Variants in MAGI3 observed in about 807,000 individuals in gnomAD.
MAGI3 encodes the protein membrane-associated guanylate kinase, WW and PDZ domain-containing protein 3.
Under a neutral mutation model 121.8 loss-of-function variants are expected in MAGI3, and 43 were observed. The observed-to-expected ratio is 0.35, with a 90% CI of 0.28 to 0.46. MAGI3 has a LOEUF of 0.46. MAGI3 is among the 20% of genes least tolerant of loss of function. The probability of loss-of-function intolerance (pLI) is 1.00; values close to 1 mark genes in which losing one functional copy is unlikely to be tolerated. For missense variants in MAGI3, 1,547 were observed against 1,797.3 expected, an observed-to-expected ratio of 0.86 and a Z score of 2.52; for synonymous variants, 553 against 639.3, an observed-to-expected ratio of 0.86 and a Z score of 2.04.
rs1220060546 is a variant in MAGI3, at chr1:113,486,317, A to G, written c.317-63198A>G. On this transcript the variant is annotated intron_variant, in intron 1 of 20. Transcript: ENST00000307546. ...CTTTTGGCCGTATGGTCATTTTCAC[A>G]ATATTGATTCTACTCATCCATGAGC... Among the ~76,000 whole-genome samples the G allele has an allele frequency of 4.6e-5, 7 of 152,286 alleles. No individual in the cohort carries two copies. The East Asian group carries it at 1.3e-3, about 29-fold the overall frequency.
At chr1:113,550,563 C>G (rs1659737106) in intron 2 of MAGI3, among the ~76,000 whole-genome samples, 1 of 151,388 alleles carries the variant, frequency 6.6e-6, no homozygotes, top group East Asian at 1.9e-4. Context: ...TGAGACTAGC[C>G]TGGCCAACAT....
At chr1:113,408,424 T>C (rs1651803177) in intron 1 of MAGI3, among the ~76,000 whole-genome samples, 1 of 152,162 alleles carries the variant, frequency 6.6e-6, no homozygotes, top group African/African-American at 2.4e-5. Flanking sequence ...ATAAGCTGTT[T>C]TAGTTTCTGT....
intron 20 of MAGI3, chr1:113,682,250 G>A (rs750595917): frequency 2.6e-5 from 42 of 1,609,136 alleles, no homozygotes; most frequent in East Asian, 4.5e-5. Flanking sequence ...CGTGAAACCC[G>A]AGCAACATTA....
intron 1 of MAGI3, among the ~76,000 whole-genome samples, chr1:113,475,900 T>G (rs1655794089): frequency 6.6e-6 from 1 of 152,198 alleles, no homozygotes; most frequent in Non-Finnish European, 1.5e-5. Context: ...TGCCTCAATT[T>G]CAGAGTCTGT....
intron 1 of MAGI3, among the ~76,000 whole-genome samples, chr1:113,483,896 T>C (rs1167157260): frequency 1.3e-5 from 2 of 150,264 alleles, no homozygotes; most frequent in East Asian, 3.9e-4. Flanking sequence ...AATGTGATTG[T>C]GTGTGTGTGT....
At position 113,482,100 on chromosome 1, in the gene MAGI3, TTATAAC is replaced by T. The variant is rs570034108; in HGVS notation, c.317-67409_317-67404del. Reference sequence around the variant, plus strand: ...TAAAATTAAATTTAAATATTTAAGATTATAACTATAAGATAAAAACTGTGAGTTTTA... The same window carrying T: ...TAAAATTAAATTTAAATATTTAAGATTATAAGATAAAAACTGTGAGTTTTA... On this transcript the variant is annotated intron_variant, in intron 1 of 20. Transcript: ENST00000307546. 3.3e-4 allele frequency among the ~76,000 whole-genome samples: 50 copies of T among 152,132 alleles called. No homozygotes were observed. In the South Asian group the frequency reaches 9.5e-3, roughly 29 times the overall value.
chr1:113,570,836 A>G (rs749778305), intron 2 of MAGI3, among the ~76,000 whole-genome samples: 15 of 152,010 alleles, frequency 9.9e-5, no homozygotes, highest in African/African-American at 1.7e-4. Flanking sequence ...CTCCCATTCT[A>G]TAGGTTGCCT....
chr1:113,431,198 G>T (rs1010043752), intron 1 of MAGI3, among the ~76,000 whole-genome samples: 1 of 152,158 alleles, frequency 6.6e-6, no homozygotes, highest in African/African-American at 2.4e-5. Context: ...TATGCCTATA[G>T]TGCTAGCTAC....
chr1:113,569,093 A>T (rs747727147), intron 2 of MAGI3, among the ~76,000 whole-genome samples: 1 of 152,170 alleles, frequency 6.6e-6, no homozygotes, highest in Non-Finnish European at 1.5e-5. Flanking sequence ...AATGACATGA[A>T]TTTAACTCAG....
chr1:113,512,478 T>C (rs1282234393), intron 1 of MAGI3, among the ~76,000 whole-genome samples: 2 of 152,238 alleles, frequency 1.3e-5, no homozygotes, highest in Non-Finnish European at 2.9e-5. Flanking sequence ...CCTCAACATG[T>C]AGTTTGTTGC....
chr1:113,438,069 C>T (rs1159299764), intron 1 of MAGI3, among the ~76,000 whole-genome samples: 1 of 151,902 alleles, frequency 6.6e-6, no homozygotes, highest in Non-Finnish European at 1.5e-5. Context: ...GCTGGAACTA[C>T]AGGCATGAGC....
intron 8 of MAGI3, among the ~76,000 whole-genome samples, chr1:113,621,414 G>A (rs1650810290): frequency 6.6e-6 from 1 of 152,176 alleles, no homozygotes; most frequent in South Asian, 2.1e-4. Context: ...GGAAGAGCAA[G>A]TAGAGAGTGA....
intron 1 of MAGI3, among the ~76,000 whole-genome samples, chr1:113,546,637 A>G (rs1309650725): frequency 6.6e-6 from 1 of 151,306 alleles, no homozygotes; most frequent in Non-Finnish European, 1.5e-5. Flanking sequence ...GCACCCAGCC[A>G]AAATATCACA....
At chr1:113,438,608 T>G (rs1190182057) in intron 1 of MAGI3, among the ~76,000 whole-genome samples, 3 of 152,188 alleles carry the variant, frequency 2.0e-5, no homozygotes, top group South Asian at 4.1e-4. Flanking sequence ...CAGGAAACTT[T>G]CAGTTATGGT....
intron 9 of MAGI3, among the ~76,000 whole-genome samples, chr1:113,640,953 A>G (rs1249462159): frequency 7.5e-6 from 1 of 133,882 alleles, no homozygotes; most frequent in East Asian, 2.1e-4. Flanking sequence ...AATATATATA[A>G]TATTAAATAT....
At chr1:113,586,684 A>G (rs1161354582) in intron 4 of MAGI3, among the ~76,000 whole-genome samples, 5 of 152,204 alleles carry the variant, frequency 3.3e-5, no homozygotes, top group Non-Finnish European at 5.9e-5. Flanking sequence ...CAGCTTTGCT[A>G]TCCCACAAAA....
chr1:113,470,637 A>G (rs749672033), intron 1 of MAGI3, among the ~76,000 whole-genome samples: 2 of 152,220 alleles, frequency 1.3e-5, no homozygotes, highest in Non-Finnish European at 2.9e-5. Flanking sequence ...TTAGATTTCT[A>G]TAATTTATTC....
At chr1:113,403,925 C>T (rs923537865) in intron 1 of MAGI3, 1 of 151,566 alleles carries the variant, frequency 6.6e-6, no homozygotes, top group Non-Finnish European at 1.5e-5. Context: ...CCCAGGCACT[C>T]ATCTTCTTAA....
chr1:113,391,395 C>T lies in MAGI3; in HGVS notation c.316+46C>T. 1.3e-6 allele frequency: 2 copies of T among 1,550,664 alleles called. No homozygotes were observed. Among genetic ancestry groups the T allele is most frequent in the Non-Finnish European group, 1.7e-6 (2 of 1,146,748 alleles). On this transcript the variant is annotated intron_variant, in intron 1 of 20. Coordinates refer to ENST00000307546, the MANE Select transcript of MAGI3 (RefSeq NM_001142782.2). The surrounding 1 kb of genome is among the most constrained non-coding windows in gnomAD (Gnocchi z 4.4). ...TGTCTCGGGGTGTTGGGGAGAGGGG[C>T]TTCAGGGTGGGCGTCCTGGGAGCGG...
Sources: gnomAD v4.1 joint callset for allele counts (sites outside exome capture counted in the v4.1 genomes callset) on GRCh38, gnomAD v4.1.1 for gene constraint, Gnocchi (gnomAD v3.1) non-coding constraint, MANE v1.5 for transcripts, NCBI Gene and HGNC (gene_info 2026-07-23, HGNC 2026-07-21) for gene names.